DPP6: variants seen among roughly 807,000 people sequenced by gnomAD.
DPP6 encodes the protein dipeptidyl peptidase like 6, also known as A-type potassium channel modulatory protein DPP6.
Under a neutral mutation model 122.6 loss-of-function variants are expected in DPP6, and 69 were observed. The ratio of observed to expected loss-of-function variants is 0.56; its 90% CI spans 0.46 to 0.69. The LOEUF (loss-of-function observed/expected upper bound fraction) is 0.69, where lower values mean the gene tolerates loss of function less well. Ranked by LOEUF, DPP6 falls within the 30% of genes least tolerant of loss-of-function variation. DPP6 has a pLI of 0.00. For missense variants in DPP6, 928 were observed against 1,116.9 expected (o/e 0.83, Z 2.41); for synonymous variants, 418 against 433.1 (o/e 0.97, Z 0.43).
the DPP6 span, among the ~76,000 whole-genome samples, chr7:153,874,489 T>C: frequency 5.3e-5 from 8 of 152,112 alleles, no homozygotes; most frequent in African/African-American, 1.9e-4. Flanking sequence ...GATTCTCCTG[T>C]CTCAGCCTCC....
At chr7:154,361,105 G>A (rs1253077361) in intron 1 of DPP6, among the ~76,000 whole-genome samples, 1 of 151,854 alleles carries the variant, frequency 6.6e-6, no homozygotes, top group Non-Finnish European at 1.5e-5. Context: ...GGGCCAGTGG[G>A]CTATGAGAAG....
the DPP6 span, among the ~76,000 whole-genome samples, chr7:153,778,885 T>C: frequency 1.3e-5 from 2 of 149,376 alleles, no homozygotes; most frequent in Admixed American, 1.3e-4. Flanking sequence ...TGTATGCAAC[T>C]GTTTACAGCA....
intron 1 of DPP6, among the ~76,000 whole-genome samples, chr7:154,072,729 G>A (rs1803211142): frequency 1.3e-5 from 2 of 152,270 alleles, no homozygotes; most frequent in Admixed American, 1.3e-4. Flanking sequence ...CCTGGAACCT[G>A]TGCCCGTTTG....
At position 154,885,750 on chromosome 7, in the gene DPP6, T is replaced by C; in HGVS notation, c.2245+6T>C. ...AACAGACTTCAAACTCTATGGTAAATAGCCCTGCAGGACCAAGCGACGGGC... is the reference window on the plus strand; with the variant it reads ...AACAGACTTCAAACTCTATGGTAAACAGCCCTGCAGGACCAAGCGACGGGC... On this transcript the variant is annotated splice_donor_region_variant and intron_variant, in intron 22 of 25. Coordinates refer to ENST00000377770, the MANE Select transcript of DPP6 (RefSeq NM_130797.4). 4 of 1,582,506 alleles carry C rather than the reference T, an allele frequency of 2.5e-6. No homozygotes were observed. The highest frequency in any genetic ancestry group is 3.4e-6 in the Non-Finnish European group (4 of 1,164,232).
chr7:154,471,537 G>A (rs990211965), intron 2 of DPP6, among the ~76,000 whole-genome samples: 7 of 152,040 alleles, frequency 4.6e-5, no homozygotes, highest in African/African-American at 1.7e-4. Flanking sequence ...CACCCATTTG[G>A]GGGAAAGGGC....
intron 1 of DPP6, among the ~76,000 whole-genome samples, chr7:154,424,156 G>A (rs958002048): frequency 1.3e-5 from 2 of 152,176 alleles, no homozygotes; most frequent in Admixed American, 6.5e-5. Flanking sequence ...TGTCAGCTAC[G>A]CACTGTTTAT....
rs554675335 is a variant in DPP6 at position 154,141,783 on chromosome 7, G to A, written c.243+88720G>A. ...ACTTATACTTTATGTCCACAGCAAA[G>A]AGGCCCACATTTGTGGCAATCTTGG... On this transcript the variant is annotated intron_variant, in intron 1 of 25. Transcript: ENST00000377770. 3.9e-5 allele frequency among the ~76,000 whole-genome samples: 6 copies of A among 152,334 alleles called. 1 individual carries two copies. The South Asian group carries it at 1.2e-3, about 32-fold the overall frequency.
At chr7:153,883,834 T>A (rs1346407063), upstream of DPP6, among the ~76,000 whole-genome samples, 1 of 152,216 alleles carries the variant, frequency 6.6e-6, no homozygotes, top group African/African-American at 2.4e-5. Flanking sequence ...TGTTTCCTTT[T>A]ATGCCTGCTT....
At position 154,769,474 on chromosome 7, in the gene DPP6, C is replaced by T; in HGVS notation, c.941C>T (p.Ala314Val). Residue 314 changes from alanine to valine, a missense_variant, in exon 9 of 26, where the codon GCC becomes GTC. Transcript: ENST00000377770. ...HWWSPDGTRL[A>V]YAAINDSRVP... ...TGGTCTCCGGATGGCACGAGACTCG[C>T]CTACGCCGCCATCAATGATTCCCGT... is the stretch of plus-strand genomic sequence containing the variant. 1.2e-6 allele frequency: 2 copies of T among 1,613,772 alleles called. No individual in the cohort carries two copies. The highest frequency in any genetic ancestry group is 1.1e-5 in the South Asian group (1 of 91,056).
chr7:154,359,974 G>A (rs768871408), intron 1 of DPP6, among the ~76,000 whole-genome samples: 2 of 152,186 alleles, frequency 1.3e-5, no homozygotes, highest in African/African-American at 2.4e-5. Flanking sequence ...ATCGAGCTGC[G>A]AGCTGCCGGA....
At chr7:154,523,779 ATC>A (rs1285715057) in intron 3 of DPP6, among the ~76,000 whole-genome samples, 1 of 152,160 alleles carries the variant, frequency 6.6e-6, no homozygotes, top group Non-Finnish European at 1.5e-5. Flanking sequence ...TCACAGGTTT[ATC>A]TATAATGTCT....
At chr7:153,926,062 C>T (rs982013698) in intron 1 of DPP6, among the ~76,000 whole-genome samples, 3 of 152,132 alleles carry the variant, frequency 2.0e-5, no homozygotes, top group African/African-American at 7.2e-5. Context: ...CTTCCACGTC[C>T]TCTCTCCAGG....
intron 2 of DPP6, among the ~76,000 whole-genome samples, chr7:154,473,906 C>A (rs907954849): frequency 1.3e-5 from 2 of 152,122 alleles, no homozygotes; most frequent in Non-Finnish European, 2.9e-5. Flanking sequence ...CATAGCAGCA[C>A]AACAGGAAAC....
intron 10 of DPP6, among the ~76,000 whole-genome samples, chr7:154,777,804 T>C (rs893388282): frequency 1.3e-5 from 2 of 152,102 alleles, no homozygotes; most frequent in African/African-American, 2.4e-5. Context: ...AAACCAACCA[T>C]GTCCCTGATG....
At chr7:154,590,073 A>G (rs6951820) in intron 5 of DPP6, among the ~76,000 whole-genome samples, 96,220 of 152,026 alleles carry the variant, frequency 0.63, 31,080 homozygotes, top group African/African-American at 0.76. Context: ...ATTTTCTTTA[A>G]TAACCACATC....
intron 16 of DPP6, 77 bp from the exon 17 acceptor site, chr7:154,853,703 A>T (rs2150578799): frequency 1.3e-6 from 2 of 1,544,116 alleles, no homozygotes; most frequent in African/African-American, 1.5e-5. Context: ...GGCATAAGAA[A>T]AGCCTGTTTT....
chr7:154,123,327 A>G (rs974990029), intron 1 of DPP6, among the ~76,000 whole-genome samples: 6 of 152,322 alleles, frequency 3.9e-5, no homozygotes, highest in African/African-American at 1.4e-4. Context: ...TAAAGTTGTT[A>G]TATTTAGTTT....
At chr7:154,775,912 C>A (rs1796530034) in intron 10 of DPP6, among the ~76,000 whole-genome samples, 1 of 152,190 alleles carries the variant, frequency 6.6e-6, no homozygotes. Context: ...GCAACTCCAC[C>A]TTCCAGGATC....
rs113494625 is a variant in DPP6 at position 154,064,337 on chromosome 7, A to G, written c.243+11274A>G. 6.0e-3 allele frequency among the ~76,000 whole-genome samples: 916 copies of G among 152,246 alleles called. 8 individuals carry two copies. Among genetic ancestry groups the G allele is most frequent in the Middle Eastern group, 0.024 (7 of 294 alleles). ...CCAGCAGGACCTTTTGCACATCAGC[A>G]AGCTGGGCAGCGTCAAGTGCCTGGA... On this transcript the variant is annotated intron_variant, in intron 1 of 25. Coordinates refer to ENST00000377770, the MANE Select transcript of DPP6 (RefSeq NM_130797.4).
Sources: allele counts gnomAD v4.1 joint callset (sites outside exome capture counted in the v4.1 genomes callset), GRCh38; gene constraint gnomAD v4.1.1; transcripts MANE v1.5; gene names NCBI Gene and HGNC (gene_info 2026-07-23, HGNC 2026-07-21).